CPED1: variants seen among roughly 807,000 people sequenced by gnomAD.
The protein encoded by CPED1 is cadherin-like and PC-esterase domain-containing protein 1.
Under a neutral mutation model 128.2 loss-of-function variants are expected in CPED1, and 114 were observed. The observed-to-expected ratio is 0.89, with a 90% CI of 0.76 to 1.04. The LOEUF (loss-of-function observed/expected upper bound fraction) is 1.04. Ranked by LOEUF, CPED1 falls within the 50% of genes least tolerant of loss-of-function variation. The pLI, the probability that CPED1 is intolerant of heterozygous loss-of-function variation, is 0.00. For synonymous variants in CPED1, 462 were observed against 426.7 expected, an observed-to-expected ratio of 1.08 and a Z score of -1.02; for missense variants, 1,211 against 1,207.1, an observed-to-expected ratio of 1.00 and a Z score of -0.05.
chr7:121,145,045 T>C (rs1285913492), intron 16 of CPED1, among the ~76,000 whole-genome samples: 1 of 132,530 alleles, frequency 7.5e-6, no homozygotes, highest in African/African-American at 2.8e-5. Flanking sequence ...CTAGGTGCTA[T>C]ATAGATAGAT....
intron 16 of CPED1, among the ~76,000 whole-genome samples, chr7:121,145,084 T>C (rs1360032657): frequency 6.6e-6 from 1 of 151,898 alleles, no homozygotes; most frequent in Non-Finnish European, 1.5e-5. Flanking sequence ...ATTTAAGATT[T>C]TTGCAATCTA....
At chr7:121,184,671 G>A (rs937873842) in intron 16 of CPED1, among the ~76,000 whole-genome samples, 24 of 151,980 alleles carry the variant, frequency 1.6e-4, no homozygotes, top group African/African-American at 4.8e-4. Context: ...TCAAATTCTG[G>A]CAATAAAAAT....
In CPED1 at chr7:121,292,810, C is replaced by T. The variant is rs533377858; in HGVS notation, c.2869-2630C>T. On this transcript the variant is annotated intron_variant, in intron 22 of 22. Coordinates refer to ENST00000310396, the MANE Select transcript of CPED1 (RefSeq NM_024913.5). ...AAGTCTGCTGGAGTTTGCTAGAGGT[C>T]CACCCCAGGCCCTGTTTACCTGAGT... 6.8e-4 allele frequency among the ~76,000 whole-genome samples: 104 copies of T among 152,258 alleles called. 1 individual carries two copies. Among genetic ancestry groups the T allele is most frequent in the African/African-American group, 2.5e-3 (103 of 41,558 alleles).
At chr7:121,279,668 A>G (rs1347418570) in intron 22 of CPED1, among the ~76,000 whole-genome samples, 1 of 152,176 alleles carries the variant, frequency 6.6e-6, no homozygotes, top group Non-Finnish European at 1.5e-5. Context: ...AATTGGCTAG[A>G]AGTCTATGTG....
intron 16 of CPED1, among the ~76,000 whole-genome samples, chr7:121,176,351 TCTCA>T (rs1796779492): frequency 1.3e-5 from 2 of 151,980 alleles, no homozygotes; most frequent in African/African-American, 4.8e-5. Context: ...ACTATTTCTT[TCTCA>T]CTATTTCCTT....
chr7:121,204,064 C>T (rs1797464702), intron 16 of CPED1, among the ~76,000 whole-genome samples: 1 of 152,060 alleles, frequency 6.6e-6, no homozygotes, highest in Non-Finnish European at 1.5e-5. Flanking sequence ...TCAGTATTTC[C>T]TCAAACACCC....
At chr7:121,022,765 A>G (rs1412177606) in intron 3 of CPED1, among the ~76,000 whole-genome samples, 1 of 152,126 alleles carries the variant, frequency 6.6e-6, no homozygotes, top group African/African-American at 2.4e-5. Flanking sequence ...AAGAAGGAGG[A>G]CAGTCAAAAA....
intron 16 of CPED1, among the ~76,000 whole-genome samples, chr7:121,176,933 A>G (rs1022194835): frequency 1.3e-5 from 2 of 152,114 alleles, no homozygotes; most frequent in African/African-American, 4.8e-5. Flanking sequence ...TCCAAAGTAT[A>G]GAATTGTTGA....
intron 22 of CPED1, among the ~76,000 whole-genome samples, chr7:121,272,930 T>C (rs1792261267): frequency 6.6e-6 from 1 of 152,120 alleles, no homozygotes; most frequent in African/African-American, 2.4e-5. Context: ...CACAACTCTT[T>C]TGGTGAGACA....
intron 2 of CPED1, among the ~76,000 whole-genome samples, chr7:120,993,555 CT>C (rs1256865027): frequency 1.3e-5 from 2 of 152,170 alleles, no homozygotes; most frequent in African/African-American, 2.4e-5. Context: ...TCTAATTAAT[CT>C]TGTTTGCATT....
At chr7:121,243,348 T>C (rs555697857) in intron 17 of CPED1, among the ~76,000 whole-genome samples, 1 of 152,282 alleles carries the variant, frequency 6.6e-6, no homozygotes, top group Admixed American at 6.5e-5. Flanking sequence ...AAAAAAATTA[T>C]ATTTTTCTAC....
In CPED1 at chr7:121,100,125, G is replaced by GT. The variant is rs746635114; in HGVS notation, c.918+32dup. The GT allele has an allele frequency of 3.1e-6, 5 of 1,604,076 alleles. 1 individual carries two copies. The South Asian group carries it at 5.5e-5, about 18-fold the overall frequency. On this transcript the variant is annotated intron_variant, in intron 7 of 22. Coordinates refer to ENST00000310396, the MANE Select transcript of CPED1 (RefSeq NM_024913.5). ...CTCTCGGTTGAAGCTATTATTTCAC[G>GT]TAAGTACACTGAAGTAAAGTAAAGT...
chr7:121,212,322 T>C (rs1024499085), intron 16 of CPED1, among the ~76,000 whole-genome samples: 2 of 151,924 alleles, frequency 1.3e-5, no homozygotes, highest in Non-Finnish European at 2.9e-5. Context: ...AAAATTGCAA[T>C]TTATAAATCA....
At chr7:121,147,370 A>C (rs34269514) in intron 16 of CPED1, among the ~76,000 whole-genome samples, 15,561 of 152,154 alleles carry the variant, frequency 0.1, 845 homozygotes, top group South Asian at 0.17. Context: ...GAAACATAAA[A>C]CATTATATAA....
chr7:121,135,628 A>G (rs1425031076), intron 13 of CPED1, among the ~76,000 whole-genome samples: 3 of 152,212 alleles, frequency 2.0e-5, no homozygotes, highest in East Asian at 1.9e-4. Context: ...TTTGTTTCAT[A>G]AATATGTATT....
intron 15 of CPED1, among the ~76,000 whole-genome samples, chr7:121,141,600 C>T (rs1795905454): frequency 6.6e-6 from 1 of 152,072 alleles, no homozygotes; most frequent in Non-Finnish European, 1.5e-5. Context: ...GGTTCCAAAC[C>T]CTGACTCTTC....
Position 121,060,819 on chromosome 7 carries a change from T to C in CPED1, c.541-3419T>C, listed in dbSNP as rs181115722. 1.4e-3 allele frequency among the ~76,000 whole-genome samples: 218 copies of C among 152,300 alleles called. 1 individual carries two copies. The highest frequency in any genetic ancestry group is 4.5e-3 in the African/African-American group (185 of 41,562). On this transcript the variant is annotated intron_variant, in intron 4 of 22. Transcript: ENST00000310396. ...CCTTTTCACGTTGTGGAAGCTTTGTTCTTTTGCGCTTTGCAATAAATCTTG... is the reference window on the plus strand; with the variant it reads ...CCTTTTCACGTTGTGGAAGCTTTGTCCTTTTGCGCTTTGCAATAAATCTTG...
intron 16 of CPED1, among the ~76,000 whole-genome samples, chr7:121,148,540 G>T (rs1373134761): frequency 6.6e-6 from 1 of 152,134 alleles, no homozygotes. Context: ...TAGTAAAGGT[G>T]GGGTTTGAAT....
intron 16 of CPED1, among the ~76,000 whole-genome samples, chr7:121,193,483 T>C (rs1416463019): frequency 1.3e-5 from 2 of 152,138 alleles, no homozygotes; most frequent in Non-Finnish European, 2.9e-5. Flanking sequence ...TCGCTTCAAC[T>C]AATAAAATCA....
Sources: gnomAD v4.1 joint callset for allele counts (sites outside exome capture counted in the v4.1 genomes callset) on GRCh38, gnomAD v4.1.1 for gene constraint, MANE v1.5 for transcripts, NCBI Gene and HGNC (gene_info 2026-07-23, HGNC 2026-07-21) for gene names.